The following ANKRD44 variants were observed in gnomAD, a reference collection of about 807,000 sequenced individuals.
ANKRD44 encodes the protein serine/threonine-protein phosphatase 6 regulatory ankyrin repeat subunit B.
Under a neutral mutation model 116.0 loss-of-function variants are expected in ANKRD44, and 35 were observed. That is an observed-to-expected ratio of 0.30 (90% CI 0.23 to 0.40). The LOEUF is 0.40. Ranked by LOEUF, ANKRD44 falls within the 10% of genes least tolerant of loss-of-function variation. ANKRD44 has a pLI of 1.00. For synonymous variants in ANKRD44, 435 were observed against 461.8 expected (o/e 0.94, Z 0.74); for missense variants, 1,014 against 1,242.6 (o/e 0.82, Z 2.77).
At chr2:197,283,669 G>GT (rs375314447) in intron 1 of ANKRD44, among the ~76,000 whole-genome samples, 23 of 150,648 alleles carry the variant, frequency 1.5e-4, no homozygotes, top group East Asian at 5.8e-4. Flanking sequence ...GTGATGAGTT[G>GT]TTTTTTTTTC....
At position 196,990,858 on chromosome 2, in the gene ANKRD44, G is replaced by A. The variant is rs915077718; in HGVS notation, c.2924-1209C>T. 6 of 1,232,452 alleles carry A rather than the reference G, an allele frequency of 4.9e-6. No homozygotes were observed. In the Admixed American group the frequency reaches 1.3e-4, roughly 26 times the overall value. 76.3% of individuals were successfully genotyped at this position (1,232,452 alleles called of 1,614,324 possible). ...ACTGGAAGGAGAAAAAGGCATCATGGTAGCCAAAATGAGGGCCAGGCAGTC... is the reference window on the plus strand; with the variant it reads ...ACTGGAAGGAGAAAAAGGCATCATGATAGCCAAAATGAGGGCCAGGCAGTC... On this transcript the variant is annotated intron_variant, in intron 27 of 27. Transcript: ENST00000282272.
intron 22 of ANKRD44, among the ~76,000 whole-genome samples, chr2:197,001,252 G>C (rs985325958): frequency 6.6e-6 from 1 of 152,204 alleles, no homozygotes; most frequent in South Asian, 2.1e-4. Context: ...GCTGACTATG[G>C]AAGTCTGACT....
chr2:196,999,526 T>C (rs1305919494), intron 23 of ANKRD44, among the ~76,000 whole-genome samples: 1 of 152,066 alleles, frequency 6.6e-6, no homozygotes, highest in Non-Finnish European at 1.5e-5. Flanking sequence ...CTTCTAGGTA[T>C]TTATCTCTCA....
intron 2 of ANKRD44, among the ~76,000 whole-genome samples, chr2:197,156,507 T>G (rs972505085): frequency 1.3e-5 from 2 of 151,954 alleles, no homozygotes; most frequent in African/African-American, 4.8e-5. Context: ...CTAGTAGGAG[T>G]GGGAAATGAT....
intron 1 of ANKRD44, among the ~76,000 whole-genome samples, chr2:197,275,207 C>T (rs778343419): frequency 2.5e-4 from 38 of 151,686 alleles, no homozygotes; most frequent in Admixed American, 1.7e-3. Flanking sequence ...CTCAACCTCG[C>T]GGGCTCAAGC....
chr2:197,118,161 C>G (rs761213561), intron 8 of ANKRD44, among the ~76,000 whole-genome samples: 2 of 151,720 alleles, frequency 1.3e-5, no homozygotes, highest in Non-Finnish European at 2.9e-5. Context: ...TGCAGTGAGC[C>G]AAGATCCCAC....
intron 27 of ANKRD44, among the ~76,000 whole-genome samples, chr2:196,993,286 T>C (rs1419261109): frequency 1.3e-5 from 2 of 152,222 alleles, no homozygotes; most frequent in East Asian, 3.8e-4. Context: ...ATTTTGAGTG[T>C]CAACTTGAAA....
At chr2:197,068,138 A>C (rs2077473903) in intron 16 of ANKRD44, among the ~76,000 whole-genome samples, 1 of 117,404 alleles carries the variant, frequency 8.5e-6, no homozygotes, top group Non-Finnish European at 1.7e-5. Context: ...GCATATTCTC[A>C]CTCATAGGTG....
chr2:197,275,628 T>C (rs1419225828), intron 1 of ANKRD44, among the ~76,000 whole-genome samples: 2 of 152,060 alleles, frequency 1.3e-5, no homozygotes, highest in Admixed American at 1.3e-4. Context: ...TTTAGGGCTA[T>C]TGCACTTTCT....
intron 17 of ANKRD44, chr2:197,015,818 A>G (rs1217180462): frequency 3.9e-6 from 2 of 512,730 alleles, no homozygotes; most frequent in Non-Finnish European, 7.3e-6. Flanking sequence ...GGTGGTTACA[A>G]TGAAGGAGGA....
chr2:197,294,878 A>C (rs1233165874), intron 1 of ANKRD44, among the ~76,000 whole-genome samples: 1 of 152,164 alleles, frequency 6.6e-6, no homozygotes, highest in African/African-American at 2.4e-5. Flanking sequence ...TAAGAAGTAA[A>C]GATCTCTCTT....
At chr2:197,027,800 C>G (rs1310094683) in intron 16 of ANKRD44, among the ~76,000 whole-genome samples, 1 of 151,342 alleles carries the variant, frequency 6.6e-6, no homozygotes, top group African/African-American at 2.4e-5. Flanking sequence ...GATTCTCCCA[C>G]TCTTCCCAAG....
At chr2:197,099,661 G>A in intron 10 of ANKRD44, 155 bp downstream of exon 10, 2 of 1,321,304 alleles carry the variant, frequency 1.5e-6, no homozygotes, top group Non-Finnish European at 9.7e-7. Context: ...TCATTAAAAG[G>A]CACTTAATTT....
At chr2:197,253,562 A>T (rs541478504) in intron 1 of ANKRD44, among the ~76,000 whole-genome samples, 1 of 152,212 alleles carries the variant, frequency 6.6e-6, no homozygotes, top group Non-Finnish European at 1.5e-5. Flanking sequence ...TATTTATTGC[A>T]TATATATGTA....
chr2:197,281,320 C>T (rs2083258018), intron 1 of ANKRD44, among the ~76,000 whole-genome samples: 1 of 152,056 alleles, frequency 6.6e-6, no homozygotes, highest in Admixed American at 6.6e-5. Context: ...ATCCTGCTCC[C>T]CACCTCCTGA....
rs1040029758 is a variant in ANKRD44 at position 197,196,854 on chromosome 2, C to T, written c.28-9748G>A. ...CTACTGTTCTTTTCTTTGAATTCCA[C>T]GTGCATTCTTGGAAAGACAGCAAGC... On this transcript the variant is annotated intron_variant, in intron 1 of 27. Coordinates refer to ENST00000282272, the MANE Select transcript of ANKRD44 (RefSeq NM_001195144.2). 9.9e-5 allele frequency among the ~76,000 whole-genome samples: 15 copies of T among 152,246 alleles called. No homozygotes were observed. The Middle Eastern group carries it at 0.01, about 104-fold the overall frequency.
chr2:196,988,593 A>G lies in ANKRD44; in HGVS notation c.*998T>C, dbSNP rs2075865503. 1.0e-6 allele frequency: 1 copy of G among 983,840 alleles called. No individual in the cohort carries two copies. Among genetic ancestry groups the G allele is most frequent in the Non-Finnish European group, 1.2e-6 (1 of 828,580 alleles). The allele number at this position is 983,840 out of a possible 1,614,324, so 60.9% of individuals were successfully genotyped here. ...GTTTTATAGCTAGATGAAAAATATAATACAGTTATCTGTCTTTGATCCAGA... is the reference window on the plus strand; with the variant it reads ...GTTTTATAGCTAGATGAAAAATATAGTACAGTTATCTGTCTTTGATCCAGA... On this transcript the variant is annotated 3_prime_UTR_variant, in exon 28 of 28. Transcript: ENST00000282272.
In ANKRD44 at chr2:197,063,704, C is replaced by T. The variant is rs571675388; in HGVS notation, c.1650+14999G>A. Among the ~76,000 whole-genome samples the T allele has an allele frequency of 8.5e-5, 13 of 152,118 alleles. No homozygotes were observed. The East Asian group carries it at 2.3e-3, about 27-fold the overall frequency. ...GATCAACTGGAAGAAACAGTATCAG[C>T]GATTGAAGATCAAATGAATGAAATG... On this transcript the variant is annotated intron_variant, in intron 16 of 27. Transcript: ENST00000282272.
In ANKRD44 at chr2:196,987,004, C is replaced by T. The variant is rs920761153; in HGVS notation, c.*2587G>A. On this transcript the variant is annotated 3_prime_UTR_variant, in exon 28 of 28. Transcript: ENST00000282272. ...CTGGCACCAGATTTGTATCATCGTG[C>T]TTTACAAAGATATATTGCACATGCT... is the stretch of plus-strand genomic sequence containing the variant. The T allele has an allele frequency of 2.0e-6, 2 of 985,220 alleles. No homozygotes were observed. Among genetic ancestry groups the T allele is most frequent in the Non-Finnish European group, 1.2e-6 (1 of 829,858 alleles). 61.0% of individuals were successfully genotyped at this position (985,220 alleles called of 1,614,324 possible). A position where few individuals can be genotyped will look rare whatever the true frequency, so the allele number is the denominator to read the frequency against.
Sources: gnomAD v4.1 joint callset for allele counts (sites outside exome capture counted in the v4.1 genomes callset) on GRCh38, gnomAD v4.1.1 for gene constraint, MANE v1.5 for transcripts, NCBI Gene and HGNC (gene_info 2026-07-23, HGNC 2026-07-21) for gene names.